The following KIF5C variants were observed in gnomAD, a reference collection of about 807,000 sequenced individuals.
KIF5C encodes kinesin family member 5C.
In KIF5C, 18 loss-of-function variants were observed where a neutral mutation model predicts 125.2. The ratio of observed to expected loss-of-function variants is 0.14; its 90% CI spans 0.10 to 0.21. The LOEUF is 0.21. KIF5C is among the 10% of genes least tolerant of loss of function. The pLI is 1.00. For synonymous variants in KIF5C, 405 were observed against 434.0 expected (o/e 0.93, Z 0.83); for missense variants, 780 against 1,183.8 (o/e 0.66, Z 5.01).
intron 11 of KIF5C, among the ~76,000 whole-genome samples, chr2:148,971,381 C>T (rs998690972): frequency 1.3e-5 from 2 of 151,810 alleles, no homozygotes; most frequent in Non-Finnish European, 2.9e-5. Context: ...GAACATGGTA[C>T]AGCTTTTATA....
intron 12 of KIF5C, among the ~76,000 whole-genome samples, chr2:148,977,652 G>T (rs976997138): frequency 6.6e-6 from 1 of 152,096 alleles, no homozygotes; most frequent in Non-Finnish European, 1.5e-5. Context: ...TGGTGTAAAG[G>T]GTTCAGTAGA....
intron 1 of KIF5C, among the ~76,000 whole-genome samples, chr2:148,881,137 C>G (rs903019322): frequency 2.0e-5 from 3 of 152,032 alleles, no homozygotes; most frequent in African/African-American, 7.2e-5. Flanking sequence ...GTCTCCTGTT[C>G]CCTTGGTGAC....
At chr2:148,895,856 A>G (rs1681824058) in intron 1 of KIF5C, among the ~76,000 whole-genome samples, 1 of 26,544 alleles carries the variant, frequency 3.8e-5, no homozygotes, top group South Asian at 8.4e-4. Flanking sequence ...ACACACACAC[A>G]CACACACACA....
intron 8 of KIF5C, chr2:148,947,475 G>A (rs967617417): frequency 9.1e-5 from 17 of 187,522 alleles, no homozygotes; most frequent in Non-Finnish European, 1.3e-4. Context: ...AACCTGGGGC[G>A]CTCCCTGCAT....
intron 16 of KIF5C, among the ~76,000 whole-genome samples, chr2:148,992,626 A>G (rs1315870864): frequency 6.6e-6 from 1 of 152,252 alleles, no homozygotes; most frequent in Non-Finnish European, 1.5e-5. Flanking sequence ...GTCTAATGGT[A>G]TAAAGTTAAG....
chr2:149,019,441 G>A (rs1682463995), intron 25 of KIF5C, among the ~76,000 whole-genome samples: 1 of 152,194 alleles, frequency 6.6e-6, no homozygotes, highest in Non-Finnish European at 1.5e-5. Context: ...GTAGGTAGGT[G>A]CTGCTATGGC....
At position 149,010,324 on chromosome 2, in the gene KIF5C, G is replaced by T; in HGVS notation, c.2740G>T (p.Ala914Ser). 1 of 1,589,444 alleles carries T rather than the reference G, an allele frequency of 6.3e-7. No individual in the cohort carries two copies. The highest frequency in any genetic ancestry group is 8.6e-7 in the Non-Finnish European group (1 of 1,168,582). ...GGAGGCCGTGCGGGCCAAGAACATG[G>T]CCAGAAGGGCCCATTCAGCCCAGAT... is the stretch of plus-strand genomic sequence containing the variant. ...IKEAVRAKNMARRAHSAQIAK... is the reference protein window; with the variant it reads ...IKEAVRAKNMSRRAHSAQIAK... Residue 914 changes from alanine (A) to serine (S), a missense_variant, in exon 24 of 26, where the codon GCC becomes TCC. Coordinates refer to ENST00000435030, the MANE Select transcript of KIF5C (RefSeq NM_004522.3).
In KIF5C at chr2:148,979,006, T is replaced by C. The variant is rs1274382852; in HGVS notation, c.1362+16T>C. 2 of 1,545,528 alleles carry C rather than the reference T, an allele frequency of 1.3e-6. No homozygotes were observed. Among genetic ancestry groups the C allele is most frequent in the East Asian group, 2.4e-5 (1 of 42,090 alleles). ...TCAGGATGAGGTAAAGAATGCAATATATTTTTTTTTCCACAAAGTTCTTCT... is the reference window on the plus strand; with the variant it reads ...TCAGGATGAGGTAAAGAATGCAATACATTTTTTTTTCCACAAAGTTCTTCT... On this transcript the variant is annotated intron_variant, in intron 13 of 25. Coordinates refer to ENST00000435030, the MANE Select transcript of KIF5C (RefSeq NM_004522.3).
chr2:148,965,359 C>A (rs908876594), intron 11 of KIF5C, among the ~76,000 whole-genome samples: 25 of 152,108 alleles, frequency 1.6e-4, no homozygotes, highest in African/African-American at 5.3e-4. Flanking sequence ...CCAGCAACCC[C>A]ATTGCCACGT....
At chr2:148,998,701 C>T in intron 19 of KIF5C, 192 bp downstream of exon 19, 1 of 952,010 alleles carries the variant, frequency 1.1e-6, no homozygotes. Flanking sequence ...CCTCCTGGAG[C>T]CCTGGCATGG....
intron 13 of KIF5C, among the ~76,000 whole-genome samples, chr2:148,980,657 C>T (rs937262081): frequency 5.3e-5 from 8 of 151,422 alleles, no homozygotes; most frequent in African/African-American, 1.5e-4. Flanking sequence ...TCCTTGGAAA[C>T]GACTCTCAGA....
At chr2:148,961,471 G>T (rs1018533237) in intron 10 of KIF5C, among the ~76,000 whole-genome samples, 3 of 152,198 alleles carry the variant, frequency 2.0e-5, no homozygotes, top group African/African-American at 7.2e-5. Flanking sequence ...TTCTGTCTGT[G>T]TATCATTGGT....
rs144389580 is a variant in KIF5C at position 148,948,792 on chromosome 2, A to G, written c.715-1047A>G. 2.0e-3 allele frequency among the ~76,000 whole-genome samples: 297 copies of G among 152,304 alleles called. 3 individuals carry two copies. Among genetic ancestry groups the G allele is most frequent in the African/African-American group, 6.7e-3 (280 of 41,568 alleles). Reference sequence around the variant, plus strand: ...CCTGCCTTGTATATTTCATGGAGTTAAGATGCTCAAATAAGAAAGCATCTT... The same window carrying G: ...CCTGCCTTGTATATTTCATGGAGTTGAGATGCTCAAATAAGAAAGCATCTT... On this transcript the variant is annotated intron_variant, in intron 8 of 25. Transcript: ENST00000435030.
chr2:148,948,191 A>G (rs902966427), intron 8 of KIF5C, among the ~76,000 whole-genome samples: 1 of 76,920 alleles, frequency 1.3e-5, no homozygotes, highest in African/African-American at 5.0e-5. Context: ...ACTAAAAATT[A>G]AAAAAAAAAA....
At chr2:148,900,824 A>C (rs569379875) in intron 1 of KIF5C, among the ~76,000 whole-genome samples, 1 of 152,132 alleles carries the variant, frequency 6.6e-6, no homozygotes, top group Non-Finnish European at 1.5e-5. Context: ...TTGGAAAGCA[A>C]GTGTAGGAGT....
At chr2:148,936,805 A>G (rs1400139075) in intron 3 of KIF5C, among the ~76,000 whole-genome samples, 1 of 152,236 alleles carries the variant, frequency 6.6e-6, no homozygotes, top group Non-Finnish European at 1.5e-5. Context: ...AAGTGTTGCC[A>G]GAATAAGGTT....
intron 21 of KIF5C, among the ~76,000 whole-genome samples, chr2:149,003,581 CAT>C (rs1681918205): frequency 6.6e-6 from 1 of 152,154 alleles, no homozygotes; most frequent in African/African-American, 2.4e-5. Flanking sequence ...TGAAGAGGGA[CAT>C]GTGTGGGGAG....
At chr2:149,005,335 A>G in intron 21 of KIF5C, 58 bp from the exon 22 acceptor site, 1 of 1,586,552 alleles carries the variant, frequency 6.3e-7, no homozygotes, top group Non-Finnish European at 8.6e-7. Flanking sequence ...CTGGTGCCAA[A>G]TGTGTCATAA....
intron 15 of KIF5C, among the ~76,000 whole-genome samples, chr2:148,989,138 C>T (rs1681456797): frequency 6.6e-6 from 1 of 152,072 alleles, no homozygotes; most frequent in Non-Finnish European, 1.5e-5. Flanking sequence ...CTTCCAAGTC[C>T]CCAAAGTCCA....
Sources: allele counts gnomAD v4.1 joint callset (sites outside exome capture counted in the v4.1 genomes callset), GRCh38; gene constraint gnomAD v4.1.1; transcripts MANE v1.5; gene names NCBI Gene and HGNC (gene_info 2026-07-23, HGNC 2026-07-21).